The following KCNG3 variants were observed in gnomAD, a reference collection of about 807,000 sequenced individuals.
KCNG3 encodes potassium voltage-gated channel modifier subfamily G member 3.
A neutral mutation model predicts 29.0 loss-of-function variants in KCNG3; 15 were observed. That is an observed-to-expected ratio of 0.52 (90% CI 0.35 to 0.80). The LOEUF is 0.80. Among genes scored for constraint, KCNG3 ranks in the 30% least tolerant of loss-of-function variants. The pLI is 0.01. For synonymous variants in KCNG3, 322 were observed against 248.9 expected (o/e 1.29, Z -2.76); for missense variants, 512 against 605.7 (o/e 0.85, Z 1.62).
the KCNG3 span, among the ~76,000 whole-genome samples, chr2:42,394,881 T>C: frequency 6.6e-6 from 1 of 152,320 alleles, no homozygotes; most frequent in African/African-American, 2.4e-5. Flanking sequence ...GTCTCAGATA[T>C]CTGGGGTTCA....
intron 1 of KCNG3, among the ~76,000 whole-genome samples, chr2:42,487,027 G>A (rs1023249466): frequency 6.6e-6 from 1 of 151,582 alleles, no homozygotes; most frequent in Non-Finnish European, 1.5e-5. Context: ...CATGGTGGCG[G>A]ATACCTGTAA....
the KCNG3 span, among the ~76,000 whole-genome samples, chr2:42,391,817 T>C: frequency 6.6e-6 from 1 of 151,590 alleles, no homozygotes; most frequent in African/African-American, 2.4e-5. Context: ...TTAGCCGGGA[T>C]GGTCTCGATC....
the KCNG3 span, among the ~76,000 whole-genome samples, chr2:42,405,464 C>T: frequency 2.0e-5 from 3 of 149,210 alleles, no homozygotes; most frequent in South Asian, 2.1e-4. Context: ...TTTGAGACGG[C>T]GTCTCACTCT....
chr2:42,413,409 G>A, the KCNG3 span, among the ~76,000 whole-genome samples: 2,745 of 151,986 alleles, frequency 0.018, 71 homozygotes, highest in African/African-American at 0.058. Flanking sequence ...TGGCCATCTT[G>A]TTTTTTTCTA....
intron 1 of KCNG3, among the ~76,000 whole-genome samples, chr2:42,484,947 C>T (rs1673683818): frequency 6.6e-6 from 1 of 152,152 alleles, no homozygotes; most frequent in African/African-American, 2.4e-5. Context: ...AAATATCCAC[C>T]TTATCTGCAC....
At chr2:42,457,670 A>ACACACACACACAC (rs1572847566) in intron 1 of KCNG3, among the ~76,000 whole-genome samples, 2 of 32,432 alleles carry the variant, frequency 6.2e-5, no homozygotes, top group Admixed American at 3.3e-4. Context: ...CACACACACA[A>ACACACACACACAC]GGCTGGGCGC....
the KCNG3 span, among the ~76,000 whole-genome samples, chr2:42,430,609 G>C: frequency 6.6e-6 from 1 of 151,780 alleles, no homozygotes; most frequent in Non-Finnish European, 1.5e-5. Context: ...AAATTAGCTA[G>C]GTGTGGTGGC....
the KCNG3 span, among the ~76,000 whole-genome samples, chr2:42,428,456 C>T: frequency 1.7e-5 from 1 of 59,038 alleles, no homozygotes; most frequent in Admixed American, 1.8e-4. Context: ...GACCCGGTCT[C>T]GGGAAAAAAA....
chr2:42,478,884 G>A (rs1489268603), intron 1 of KCNG3, among the ~76,000 whole-genome samples: 1 of 151,752 alleles, frequency 6.6e-6, no homozygotes, highest in Non-Finnish European at 1.5e-5. Flanking sequence ...TACTAAAACA[G>A]CTGTCCCTGA....
intron 1 of KCNG3, among the ~76,000 whole-genome samples, chr2:42,473,354 T>G (rs55854524): frequency 0.21 from 31,353 of 151,454 alleles, 3,399 homozygotes; most frequent in South Asian, 0.35. Flanking sequence ...TTTCTTTTTT[T>G]TTTGTTTGTT....
intron 1 of KCNG3, among the ~76,000 whole-genome samples, chr2:42,469,517 A>G (rs1673233391): frequency 6.6e-6 from 1 of 152,132 alleles, no homozygotes; most frequent in Admixed American, 6.6e-5. Context: ...TTAGTGAAGT[A>G]CATACTGGAC....
the KCNG3 span, among the ~76,000 whole-genome samples, chr2:42,425,584 A>G: frequency 6.6e-6 from 1 of 152,028 alleles, no homozygotes; most frequent in Non-Finnish European, 1.5e-5. Context: ...ACATACTATA[A>G]ACAAACAGCA....
chr2:42,422,319 T>C, the KCNG3 span, among the ~76,000 whole-genome samples: 6 of 152,134 alleles, frequency 3.9e-5, no homozygotes, highest in Admixed American at 2.0e-4. Flanking sequence ...TTGGCTTCTC[T>C]TCCCTCTCTC....
chr2:42,449,014 G>C (rs999923248), intron 1 of KCNG3, among the ~76,000 whole-genome samples: 1 of 151,838 alleles, frequency 6.6e-6, no homozygotes, highest in African/African-American at 2.4e-5. Context: ...TGCTTATACA[G>C]ACAGCCAACT....
chr2:42,469,284 G>T (rs1177378958), intron 1 of KCNG3, among the ~76,000 whole-genome samples: 2 of 151,912 alleles, frequency 1.3e-5, no homozygotes, highest in East Asian at 3.9e-4. Flanking sequence ...AGGTGTGGTG[G>T]TGCATGCCTG....
At chr2:42,477,217 A>G (rs1175150516) in intron 1 of KCNG3, among the ~76,000 whole-genome samples, 1 of 150,192 alleles carries the variant, frequency 6.7e-6, no homozygotes, top group African/African-American at 2.4e-5. Context: ...AAAAAAAAGT[A>G]CTGATTAAAA....
chr2:42,420,006 T>TGAGGTCAGGAGCTC, the KCNG3 span, among the ~76,000 whole-genome samples: 1 of 152,116 alleles, frequency 6.6e-6, no homozygotes. Context: ...GCAGATCACC[T>TGAGGTCAGGAGCTC]GAGGTCAGGA....
chr2:42,429,169 A>C, the KCNG3 span, among the ~76,000 whole-genome samples: 1 of 152,220 alleles, frequency 6.6e-6, no homozygotes, highest in South Asian at 2.1e-4. Flanking sequence ...GGCAAGAAGC[A>C]CCCTCAAGTG....
At chr2:42,417,403 C>T in the KCNG3 span, among the ~76,000 whole-genome samples, 1 of 152,062 alleles carries the variant, frequency 6.6e-6, no homozygotes, top group African/African-American at 2.4e-5. Context: ...TTACTGGGGC[C>T]TTGACCTCCC....
Sources: gnomAD v4.1 joint callset for allele counts (sites outside exome capture counted in the v4.1 genomes callset) on GRCh38, gnomAD v4.1.1 for gene constraint, MANE v1.5 for transcripts, NCBI Gene and HGNC (gene_info 2026-07-23, HGNC 2026-07-21) for gene names.